SCML4: variants seen among roughly 807,000 people sequenced by gnomAD.
SCML4 encodes the protein Scm polycomb group protein like 4, also known as sex comb on midleg-like protein 4.
Under a neutral mutation model 41.1 loss-of-function variants are expected in SCML4, and 34 were observed. The observed-to-expected ratio is 0.83, with a 90% confidence interval of 0.63 to 1.10. The LOEUF (loss-of-function observed/expected upper bound fraction) is 1.10, where lower values mean the gene tolerates loss of function less well. SCML4 is among the 50% of genes least tolerant of loss of function. SCML4 has a pLI of 0.00. For missense variants in SCML4, 522 were observed against 534.1 expected, an observed-to-expected ratio of 0.98 and a Z score of 0.22; for synonymous variants, 214 against 220.9, an observed-to-expected ratio of 0.97 and a Z score of 0.28.
chr6:107,773,004 A>G (rs1562242900), intron 1 of SCML4, among the ~76,000 whole-genome samples: 1 of 152,218 alleles, frequency 6.6e-6, no homozygotes, highest in Non-Finnish European at 1.5e-5. Flanking sequence ...CGTGCAACCC[A>G]AATAATAAGC....
At chr6:107,721,192 C>T (rs1438037921) in intron 5 of SCML4, among the ~76,000 whole-genome samples, 199 bp from the exon 6 acceptor site, 1 of 152,138 alleles carries the variant, frequency 6.6e-6, no homozygotes, top group Non-Finnish European at 1.5e-5. Flanking sequence ...CCCACAGGAG[C>T]ATATTGTAAT....
intron 1 of SCML4, among the ~76,000 whole-genome samples, chr6:107,805,387 C>T (rs75947375): frequency 0.012 from 1,903 of 152,308 alleles, 16 homozygotes; most frequent in Non-Finnish European, 0.02. Context: ...AATGAGAAAA[C>T]ATCAGATATC....
In SCML4 at chr6:107,746,821, G is replaced by A; in HGVS notation, c.355C>T (p.Pro119Ser). The change falls in exon 4 of 8, where the codon CCG becomes TCG. Residue 119 changes from proline to serine, a missense_variant. By Grantham distance (74) the Pro-to-Ser change is moderately conservative (BLOSUM62 -1). Coordinates refer to ENST00000369020, the MANE Select transcript of SCML4 (RefSeq NM_198081.5). ...YLERKKVQQLPEHFGPERPSA... is the reference protein window; with the variant it reads ...YLERKKVQQLSEHFGPERPSA... ...GGCCGCTCGGGCCCAAAATGCTCCG[G>A]GAGCTGCTGCACCTTCTTCCTCTCC... The A allele has an allele frequency of 6.2e-7, 1 of 1,614,114 alleles. No individual in the cohort carries two copies. Among genetic ancestry groups the A allele is most frequent in the South Asian group, 1.1e-5 (1 of 91,060 alleles).
chr6:107,826,113 G>T (rs9372172), upstream of SCML4, among the ~76,000 whole-genome samples: 1 of 151,124 alleles, frequency 6.6e-6, no homozygotes, highest in Non-Finnish European at 1.5e-5. Flanking sequence ...GCTTGGTGGC[G>T]CTTGCCTGTA....
intron 2 of SCML4, among the ~76,000 whole-genome samples, chr6:107,751,641 T>TCTTC (rs1778687799): frequency 5.0e-5 from 7 of 140,420 alleles, no homozygotes; most frequent in African/African-American, 1.6e-4. Context: ...TTTCTTTCTT[T>TCTTC]CTTTCTTTTT....
chr6:107,739,945 C>T (rs138537385), intron 5 of SCML4: 45 of 360,266 alleles, frequency 1.2e-4, no homozygotes, highest in African/African-American at 9.4e-4. Flanking sequence ...GGCTCCCTGA[C>T]AAGCAAAATT....
At chr6:107,712,318 G>C (rs528711091) in intron 6 of SCML4, among the ~76,000 whole-genome samples, 1 of 152,140 alleles carries the variant, frequency 6.6e-6, no homozygotes, top group East Asian at 1.9e-4. Flanking sequence ...GACAGGAAGG[G>C]GGGAAAACCC....
chr6:107,814,581 C>T (rs1447463392), intron 1 of SCML4, among the ~76,000 whole-genome samples: 1 of 152,200 alleles, frequency 6.6e-6, no homozygotes, highest in Non-Finnish European at 1.5e-5. Flanking sequence ...AAGACAGGAT[C>T]TTACTCTGTC....
At chr6:107,749,417 C>G (rs1416385787) in intron 3 of SCML4, among the ~76,000 whole-genome samples, 1 of 152,080 alleles carries the variant, frequency 6.6e-6, no homozygotes, top group Non-Finnish European at 1.5e-5. Flanking sequence ...CCCTGTGCCC[C>G]GCTGTCATCC....
Position 107,744,930 on chromosome 6 carries a change from G to A in SCML4, c.682+19C>T, listed in dbSNP as rs1043412707. 5 of 1,554,988 alleles carry A rather than the reference G, an allele frequency of 3.2e-6. No homozygotes were observed. Among genetic ancestry groups the A allele is most frequent in the African/African-American group, 1.4e-5 (1 of 72,962 alleles). On this transcript the variant is annotated intron_variant, in intron 5 of 7. Transcript: ENST00000369020. ...CAGGGAGGTGTCCCTGCAGGTGGGG[G>A]AAGCAGGACAAGGCCTACCTGATTC...
rs759603024 is a variant in SCML4 at position 107,720,814 on chromosome 6, C to T, written c.862G>A (p.Gly288Ser). ...GACATGGGGCTAGTGCGGGGACCAC[C>T]AGCGGTGGCAGCAGGACCACCCCCA... ...HLGGGPAATAGGPRTSPMSSG... is the reference protein window; with the variant it reads ...HLGGGPAATASGPRTSPMSSG... The change falls in exon 6 of 8, where the codon GGT becomes AGT. Residue 288 changes from glycine (G) to serine (S), a missense_variant. Physicochemically the swap from Gly to Ser is moderately conservative, Grantham distance 56. Coordinates refer to ENST00000369020, the MANE Select transcript of SCML4 (RefSeq NM_198081.5). 1 of 1,614,062 alleles carries T rather than the reference C, an allele frequency of 6.2e-7. No homozygotes were observed. The highest frequency in any genetic ancestry group is 8.5e-7 in the Non-Finnish European group (1 of 1,179,950).
chr6:107,727,899 T>A (rs1776148289), intron 5 of SCML4, among the ~76,000 whole-genome samples: 2 of 152,244 alleles, frequency 1.3e-5, no homozygotes, highest in Non-Finnish European at 2.9e-5. Context: ...GTCCCACATG[T>A]CAGGTGCTTT....
At chr6:107,724,187 A>G (rs1775722314) in intron 5 of SCML4, among the ~76,000 whole-genome samples, 1 of 152,210 alleles carries the variant, frequency 6.6e-6, no homozygotes, top group African/African-American at 2.4e-5. Flanking sequence ...TCTGCAAAGA[A>G]CCAATAGGTA....
intron 2 of SCML4, among the ~76,000 whole-genome samples, chr6:107,762,077 G>A (rs1480094907): frequency 7.9e-5 from 12 of 152,020 alleles, no homozygotes; most frequent in Non-Finnish European, 1.6e-4. Flanking sequence ...AAAATGCATG[G>A]CAACAATAAT....
chr6:107,788,645 G>T (rs2114609408), intron 1 of SCML4, among the ~76,000 whole-genome samples: 1 of 152,264 alleles, frequency 6.6e-6, no homozygotes, highest in East Asian at 1.9e-4. Context: ...ATCTCATGGG[G>T]GTGAAGCTGC....
chr6:107,755,593 G>C (rs376614547), intron 2 of SCML4: 1 of 1,346,166 alleles, frequency 7.4e-7, no homozygotes, highest in Non-Finnish European at 9.9e-7. Flanking sequence ...GAATGGGGGG[G>C]TTCTCTGCCT....
intron 5 of SCML4, among the ~76,000 whole-genome samples, chr6:107,723,909 C>A (rs1396361196): frequency 6.6e-6 from 1 of 152,028 alleles, no homozygotes; most frequent in African/African-American, 2.4e-5. Context: ...AAATCCTCAA[C>A]AAAAAACCTG....
intron 2 of SCML4, 45 bp downstream of exon 2, chr6:107,772,127 C>G (rs947141015): frequency 1.7e-5 from 26 of 1,512,028 alleles, no homozygotes; most frequent in Non-Finnish European, 2.1e-5. Context: ...AGTACCCGTG[C>G]CCCAGCCCAA....
At chr6:107,721,818 T>A (rs1438339560) in intron 5 of SCML4, among the ~76,000 whole-genome samples, 3 of 152,092 alleles carry the variant, frequency 2.0e-5, no homozygotes, top group African/African-American at 4.8e-5. Context: ...CCGCCACGGC[T>A]AACAAGCAGG....
Sources: allele counts gnomAD v4.1 joint callset (sites outside exome capture counted in the v4.1 genomes callset), GRCh38; gene constraint gnomAD v4.1.1; transcripts MANE v1.5; gene names NCBI Gene and HGNC (gene_info 2026-07-23, HGNC 2026-07-21).